GRM8: variants seen among roughly 807,000 people sequenced by gnomAD.
GRM8 encodes glutamate metabotropic receptor 8, also known as metabotropic glutamate receptor 8.
In GRM8, 47 loss-of-function variants were observed where a neutral mutation model predicts 87.2. That is an observed-to-expected ratio of 0.54 (90% CI 0.43 to 0.69). The LOEUF (loss-of-function observed/expected upper bound fraction) is 0.69. Ranked by LOEUF, GRM8 falls within the 30% of genes least tolerant of loss-of-function variation. GRM8 has a pLI of 0.00. For synonymous variants in GRM8, 396 were observed against 404.5 expected, an observed-to-expected ratio of 0.98 and a Z score of 0.25; for missense variants, 1,019 against 1,139.2, an observed-to-expected ratio of 0.89 and a Z score of 1.52.
intron 2 of GRM8, among the ~76,000 whole-genome samples, chr7:127,134,949 A>G (rs1033662114): frequency 1.3e-5 from 2 of 152,172 alleles, no homozygotes; most frequent in African/African-American, 2.4e-5. Context: ...TAAACACATG[A>G]ATAACAGAAA....
chr7:126,954,997 GC>G (rs1467789494), intron 3 of GRM8, among the ~76,000 whole-genome samples: 1 of 152,098 alleles, frequency 6.6e-6, no homozygotes, highest in Non-Finnish European at 1.5e-5. Flanking sequence ...TTACTGTCAG[GC>G]TTCAGAATGA....
rs193140273 is a variant in GRM8, at chr7:126,945,001, T to C, written c.728-40318A>G. ...GAGTTAAGATATGGGGAAGCTTTTATATCCTTCTGGTGGGTGAGGAAGTTG... is the reference window on the plus strand; with the variant it reads ...GAGTTAAGATATGGGGAAGCTTTTACATCCTTCTGGTGGGTGAGGAAGTTG... On this transcript the variant is annotated intron_variant, in intron 3 of 10. Coordinates refer to ENST00000339582, the MANE Select transcript of GRM8 (RefSeq NM_000845.3). 3.3e-5 allele frequency among the ~76,000 whole-genome samples: 5 copies of C among 152,320 alleles called. No individual in the cohort carries two copies. In the East Asian group the frequency reaches 7.7e-4, roughly 24 times the overall value.
At chr7:127,137,440 C>T (rs1828005308) in intron 2 of GRM8, among the ~76,000 whole-genome samples, 1 of 152,120 alleles carries the variant, frequency 6.6e-6, no homozygotes, top group African/African-American at 2.4e-5. Context: ...TAACACAACA[C>T]ATAGCATATA....
intron 1 of GRM8, among the ~76,000 whole-genome samples, chr7:127,250,466 T>C (rs530037576): frequency 1.3e-5 from 2 of 152,336 alleles, no homozygotes; most frequent in South Asian, 2.1e-4. Flanking sequence ...TCCGGGTCAA[T>C]TGTCTCCTAC....
chr7:126,945,245 G>A (rs1041917293), intron 3 of GRM8, among the ~76,000 whole-genome samples: 1 of 152,100 alleles, frequency 6.6e-6, no homozygotes, highest in African/African-American at 2.4e-5. Flanking sequence ...ATACATGGTG[G>A]TATATTCCAA....
chr7:126,452,792 G>T (rs943771516), intron 9 of GRM8, among the ~76,000 whole-genome samples: 3 of 151,696 alleles, frequency 2.0e-5, no homozygotes, highest in Non-Finnish European at 4.4e-5. Context: ...AGAGCTCTGG[G>T]ATCTGCCCTC....
At chr7:126,669,284 T>C (rs1806130501) in intron 7 of GRM8, among the ~76,000 whole-genome samples, 1 of 152,032 alleles carries the variant, frequency 6.6e-6, no homozygotes, top group Non-Finnish European at 1.5e-5. Context: ...TGTATACCTA[T>C]GTAACAAACC....
chr7:126,586,235 T>C (rs1000770181), intron 8 of GRM8, among the ~76,000 whole-genome samples: 2 of 152,000 alleles, frequency 1.3e-5, no homozygotes, highest in South Asian at 2.1e-4. Flanking sequence ...AAAATCAATA[T>C]CATGAAAATG....
intron 7 of GRM8, among the ~76,000 whole-genome samples, chr7:126,710,412 C>T (rs959422798): frequency 6.6e-6 from 1 of 152,228 alleles, no homozygotes. Context: ...TCAATCCTTT[C>T]AAGCCCTGCT....
At chr7:126,526,853 C>A (rs1302993732) in intron 9 of GRM8, among the ~76,000 whole-genome samples, 3 of 152,174 alleles carry the variant, frequency 2.0e-5, no homozygotes, top group Admixed American at 1.3e-4. Flanking sequence ...ACAAGCATAT[C>A]ATTTAAATTA....
intron 2 of GRM8, among the ~76,000 whole-genome samples, chr7:127,202,872 G>A (rs975296163): frequency 2.0e-5 from 3 of 152,198 alleles, no homozygotes; most frequent in African/African-American, 7.2e-5. Flanking sequence ...ACCTAAGGGT[G>A]ATTCACAGAG....
chr7:126,957,825 GC>G (rs1808888368), intron 3 of GRM8, among the ~76,000 whole-genome samples: 1 of 152,174 alleles, frequency 6.6e-6, no homozygotes, highest in South Asian at 2.1e-4. Context: ...GTGGATCCTC[GC>G]CCACTTACAA....
intron 1 of GRM8, among the ~76,000 whole-genome samples, chr7:127,246,075 C>A (rs375902839): frequency 1.3e-5 from 2 of 152,182 alleles, no homozygotes; most frequent in Non-Finnish European, 2.9e-5. Flanking sequence ...ATATTTAAAT[C>A]TTCCATTTAT....
At chr7:126,740,478 T>A (rs1397908705) in intron 7 of GRM8, among the ~76,000 whole-genome samples, 1 of 152,152 alleles carries the variant, frequency 6.6e-6, no homozygotes, top group Admixed American at 6.6e-5. Context: ...TGGTACTTTA[T>A]GCATAATTTA....
At chr7:127,144,613 A>G (rs1397676902) in intron 2 of GRM8, among the ~76,000 whole-genome samples, 1 of 152,156 alleles carries the variant, frequency 6.6e-6, no homozygotes, top group East Asian at 1.9e-4. Flanking sequence ...ATGTTGTTTT[A>G]AACAACTATT....
At chr7:126,714,579 T>C (rs983182368) in intron 7 of GRM8, among the ~76,000 whole-genome samples, 11 of 151,990 alleles carry the variant, frequency 7.2e-5, no homozygotes, top group African/African-American at 7.2e-5. Context: ...GATTCTACTG[T>C]AAAATTTATC....
intron 6 of GRM8, among the ~76,000 whole-genome samples, chr7:126,858,974 T>C (rs997580453): frequency 2.0e-5 from 3 of 152,010 alleles, no homozygotes; most frequent in African/African-American, 7.2e-5. Context: ...CAGTCTAATG[T>C]GTCCCTCCAC....
chr7:127,103,408 G>A (rs1490431379), intron 3 of GRM8, among the ~76,000 whole-genome samples: 1 of 152,128 alleles, frequency 6.6e-6, no homozygotes, highest in African/African-American at 2.4e-5. Context: ...AAAGTGTGTT[G>A]CACCTCCTCC....
At chr7:127,134,005 T>C (rs1827828886) in intron 2 of GRM8, among the ~76,000 whole-genome samples, 1 of 152,180 alleles carries the variant, frequency 6.6e-6, no homozygotes, top group South Asian at 2.1e-4. Flanking sequence ...GCATTTTATC[T>C]CTGTGAGTTC....
Sources: allele counts gnomAD v4.1 joint callset (sites outside exome capture counted in the v4.1 genomes callset), GRCh38; gene constraint gnomAD v4.1.1; transcripts MANE v1.5; gene names NCBI Gene and HGNC (gene_info 2026-07-23, HGNC 2026-07-21).